Variants in XRRA1 observed in about 807,000 individuals in gnomAD.
XRRA1 encodes X-ray radiation resistance associated 1.
Under a neutral mutation model 80.2 loss-of-function variants are expected in XRRA1, and 69 were observed. That is an observed-to-expected ratio of 0.86 (90% CI 0.71 to 1.05). The LOEUF is 1.05. XRRA1 is among the 50% of genes least tolerant of loss of function. The probability of loss-of-function intolerance (pLI) is 0.00; values close to 1 mark genes in which losing one functional copy is unlikely to be tolerated. For synonymous variants in XRRA1, 348 were observed against 389.9 expected (o/e 0.89, Z 1.27); for missense variants, 967 against 976.4 (o/e 0.99, Z 0.13).
At position 74,866,454 on chromosome 11, in the gene XRRA1, C is replaced by T. The variant is rs560507689; in HGVS notation, c.1004-3433G>A. Among the ~76,000 whole-genome samples the T allele has an allele frequency of 5.3e-5, 8 of 152,054 alleles. No homozygotes were observed. In the South Asian group the frequency reaches 1.7e-3, roughly 32 times the overall value. ...TTTTTTTGTAGACATGGGAGACTCA[C>T]TTTGTTGCCCAGGCTGGTCTTGAAC... is the stretch of plus-strand genomic sequence containing the variant. On this transcript the variant is annotated intron_variant, in intron 10 of 18. Transcript: ENST00000684022.
intron 10 of XRRA1, among the ~76,000 whole-genome samples, chr11:74,870,965 G>A (rs1386592280): frequency 6.6e-6 from 1 of 152,208 alleles, no homozygotes; most frequent in Non-Finnish European, 1.5e-5. Context: ...GGGATGTAAT[G>A]TCTTAAAGTT....
intron 10 of XRRA1, among the ~76,000 whole-genome samples, chr11:74,871,822 T>A (rs983235137): frequency 2.6e-5 from 4 of 152,228 alleles, no homozygotes; most frequent in Admixed American, 2.0e-4. Flanking sequence ...TTCTGATGAC[T>A]CCGATAGGTA....
At chr11:74,863,281 C>A (rs1031949849) in intron 10 of XRRA1, 4 of 498,092 alleles carry the variant, frequency 8.0e-6, no homozygotes, top group African/African-American at 5.8e-5. Flanking sequence ...CCCCTGCCTA[C>A]TTCTTCAGTC....
intron 1 of XRRA1, among the ~76,000 whole-genome samples, chr11:74,946,368 G>C (rs1261957915): frequency 1.3e-5 from 2 of 152,196 alleles, no homozygotes; most frequent in Non-Finnish European, 2.9e-5. Flanking sequence ...GGAAGTGATT[G>C]GATCAAGGAG....
chr11:74,852,150 C>A, intron 12 of XRRA1, 68 bp from the exon 13 acceptor site: 1 of 1,310,332 alleles, frequency 7.6e-7, no homozygotes, highest in Non-Finnish European at 1.1e-6. Context: ...TATGTCTAGG[C>A]CCCTCACTGC....
rs1261157231 is a variant in XRRA1, at chr11:74,888,631, G to A, written c.1003+17608C>T. ...GATCGAACTACTCCAAGCTAAAGGA[G>A]GAAGTTCGAACCCATGGCAAAGAAG... On this transcript the variant is annotated intron_variant, in intron 10 of 18. Coordinates refer to ENST00000684022, the MANE Select transcript of XRRA1 (RefSeq NM_001378157.1). Among the ~76,000 whole-genome samples, 3 of 152,208 alleles carry A rather than the reference G, an allele frequency of 2.0e-5. No homozygotes were observed. The East Asian group carries it at 5.8e-4, about 29-fold the overall frequency.
At chr11:74,935,541 T>C (rs1396354040) in intron 4 of XRRA1, among the ~76,000 whole-genome samples, 1 of 152,214 alleles carries the variant, frequency 6.6e-6, no homozygotes, top group Non-Finnish European at 1.5e-5. Flanking sequence ...AACTATCTTG[T>C]AAAAGTGCCA....
intron 3 of XRRA1, among the ~76,000 whole-genome samples, chr11:74,938,356 C>T (rs1005526598): frequency 2.0e-5 from 3 of 152,214 alleles, no homozygotes; most frequent in Non-Finnish European, 4.4e-5. Flanking sequence ...TCTACTTTAT[C>T]CTATCTTCAT....
intron 14 of XRRA1, among the ~76,000 whole-genome samples, chr11:74,849,825 G>T (rs1221079519): frequency 6.6e-6 from 1 of 152,194 alleles, no homozygotes; most frequent in Non-Finnish European, 1.5e-5. Flanking sequence ...TTGGTTACAG[G>T]CCTGCTCTGG....
At chr11:74,848,896 CGAGGA>C (rs1240641317) in intron 14 of XRRA1, among the ~76,000 whole-genome samples, 1 of 152,190 alleles carries the variant, frequency 6.6e-6, no homozygotes, top group Non-Finnish European at 1.5e-5. Context: ...CCAGGGACTC[CGAGGA>C]GAGGGTGTTG....
At chr11:74,888,656 G>A (rs1029313074) in intron 10 of XRRA1, among the ~76,000 whole-genome samples, 3 of 152,186 alleles carry the variant, frequency 2.0e-5, no homozygotes, top group African/African-American at 7.2e-5. Context: ...TGGCAAAGAA[G>A]TTAAAAACCT....
chr11:74,894,469 C>A (rs997152334), intron 10 of XRRA1, among the ~76,000 whole-genome samples: 20 of 152,196 alleles, frequency 1.3e-4, no homozygotes, highest in African/African-American at 4.3e-4. Context: ...AGAAAATTGA[C>A]TCACAGTTCT....
At position 74,933,854 on chromosome 11, in the gene XRRA1, T is replaced by C; in HGVS notation, c.298A>G (p.Arg100Gly). 1.2e-6 allele frequency: 2 copies of C among 1,605,180 alleles called. No individual in the cohort carries two copies. The change falls in exon 5 of 19, where the codon AGG becomes GGG. Residue 100 changes from arginine (R) to glycine (G), a missense_variant. Physicochemically the swap from Arg to Gly is moderately radical, Grantham distance 125. Transcript: ENST00000684022. ...QAFLLKHHCVRKPSDLCTINV... is the reference protein window; with the variant it reads ...QAFLLKHHCVGKPSDLCTINV... ...ATGGTGCACAGATCTGATGGCTTCC[T>C]CACACAGTGGTGCTTCAGCTGGAAC...
At chr11:74,864,192 G>A (rs1445396926) in intron 10 of XRRA1, 1 of 152,158 alleles carries the variant, frequency 6.6e-6, no homozygotes, top group East Asian at 1.9e-4. Context: ...TTTCACTCCT[G>A]AAACAAAAGC....
intron 10 of XRRA1, among the ~76,000 whole-genome samples, 188 bp downstream of exon 10, chr11:74,906,048 CAAG>C (rs1224280196): frequency 1.3e-5 from 2 of 152,186 alleles, no homozygotes; most frequent in Admixed American, 1.3e-4. Context: ...TAAATCCTAA[CAAG>C]AATACTGTAA....
At chr11:74,875,743 C>G in intron 10 of XRRA1, among the ~76,000 whole-genome samples, 1 of 152,250 alleles carries the variant, frequency 6.6e-6, no homozygotes, top group Non-Finnish European at 1.5e-5. Context: ...TGGTGGTGCA[C>G]GCCTGTAATC....
intron 12 of XRRA1, among the ~76,000 whole-genome samples, chr11:74,855,916 C>T (rs1245205636): frequency 6.6e-6 from 1 of 152,032 alleles, no homozygotes; most frequent in Non-Finnish European, 1.5e-5. Context: ...AGGTGGATCA[C>T]GAGGTCAGGA....
chr11:74,867,973 G>A (rs1384346832), intron 10 of XRRA1, among the ~76,000 whole-genome samples: 2 of 140,466 alleles, frequency 1.4e-5, no homozygotes, highest in African/African-American at 5.2e-5. Flanking sequence ...CCAGGCTGGA[G>A]TACAATGGTG....
intron 10 of XRRA1, among the ~76,000 whole-genome samples, chr11:74,868,221 A>G (rs949092384): frequency 6.6e-6 from 1 of 152,150 alleles, no homozygotes; most frequent in Non-Finnish European, 1.5e-5. Flanking sequence ...GCTGGGCTCA[A>G]CATTCTTAAA....
Sources: allele counts gnomAD v4.1 joint callset (sites outside exome capture counted in the v4.1 genomes callset), GRCh38; gene constraint gnomAD v4.1.1; transcripts MANE v1.5; gene names NCBI Gene and HGNC (gene_info 2026-07-23, HGNC 2026-07-21).